The following CCDC154 variants were observed in gnomAD, a reference collection of about 807,000 sequenced individuals.
The protein encoded by CCDC154 is coiled-coil domain-containing protein 154.
Under a neutral mutation model 87.5 loss-of-function variants are expected in CCDC154, and 91 were observed. The observed-to-expected ratio is 1.04, with a 90% CI of 0.88 to 1.24. The LOEUF (loss-of-function observed/expected upper bound fraction) is 1.24. Among genes scored for constraint, CCDC154 ranks in the 50% most tolerant of loss-of-function variants. The probability of loss-of-function intolerance (pLI) is 0.00; values close to 1 mark genes in which losing one functional copy is unlikely to be tolerated. For synonymous variants in CCDC154, 418 were observed against 400.4 expected (o/e 1.04, Z -0.52); for missense variants, 903 against 879.2 (o/e 1.03, Z -0.34).
At chr16:1,443,024 C>A (rs929545698) in intron 4 of CCDC154, 49 bp from the exon 5 acceptor site, 12 of 1,544,856 alleles carry the variant, frequency 7.8e-6, no homozygotes, top group Non-Finnish European at 1.1e-5. Flanking sequence ...GCTGAGCAGC[C>A]TCGGCGGGCT....
chr16:1,439,825 A>T (rs1209431894), intron 6 of CCDC154, among the ~76,000 whole-genome samples: 1 of 152,160 alleles, frequency 6.6e-6, no homozygotes, highest in Non-Finnish European at 1.5e-5. Context: ...CATTGACAAC[A>T]TGTAAAAAAT....
chr16:1,438,180 G>A lies in CCDC154; in HGVS notation c.1026-4C>T, dbSNP rs1376288237. The A allele has an allele frequency of 2.6e-6, 4 of 1,535,168 alleles. No homozygotes were observed. Among genetic ancestry groups the A allele is most frequent in the Non-Finnish European group, 8.8e-7 (1 of 1,139,206 alleles). On this transcript the variant is annotated splice_region_variant and splice_polypyrimidine_tract_variant and intron_variant, in intron 9 of 16. Coordinates refer to ENST00000389176, the MANE Select transcript of CCDC154 (RefSeq NM_001143980.3). ...CTCCAAGCGCCCCTTGGCGTCCCTA[G>A]GGGTTGGGGACACATAGACACCCTC...
At chr16:1,442,623 G>C (rs766596441) in intron 5 of CCDC154, 94 bp from the exon 6 acceptor site, 4 of 1,357,158 alleles carry the variant, frequency 2.9e-6, no homozygotes, top group Non-Finnish European at 3.9e-6. Flanking sequence ...GGAGGTGTAC[G>C]ACCCCCGCCC....
intron 13 of CCDC154, 66 bp downstream of exon 13, chr16:1,436,379 G>T: frequency 7.5e-7 from 1 of 1,325,182 alleles, no homozygotes; most frequent in Non-Finnish European, 1.1e-6. Flanking sequence ...AGTAGCGTGG[G>T]GACCGGCCCA....
At chr16:1,437,026 G>A (rs969175711) in intron 11 of CCDC154, 23 of 643,272 alleles carry the variant, frequency 3.6e-5, no homozygotes, top group South Asian at 5.9e-5. Context: ...CCGAGGGCCC[G>A]TGGGGGCTGT....
At chr16:1,439,893 C>T (rs1274613396) in intron 6 of CCDC154, among the ~76,000 whole-genome samples, 1 of 152,054 alleles carries the variant, frequency 6.6e-6, no homozygotes, top group Non-Finnish European at 1.5e-5. Context: ...GGCGCAATGA[C>T]TCACTCCCAC....
intron 14 of CCDC154, 27 bp downstream of exon 14, chr16:1,435,942 G>T (rs1381587442): frequency 1.3e-6 from 2 of 1,532,942 alleles, no homozygotes; most frequent in Admixed American, 2.0e-5. Flanking sequence ...CTCTCTCCCA[G>T]CTGGGTGCGG....
At chr16:1,437,662 C>T (rs1285578022) in intron 11 of CCDC154, 155 bp downstream of exon 11, 6 of 921,750 alleles carry the variant, frequency 6.5e-6, no homozygotes, top group South Asian at 2.0e-5. Context: ...CTCTGGGGCT[C>T]GGGGTCTCCC....
At position 1,443,135 on chromosome 16, in the gene CCDC154, C is replaced by A. The variant is rs895618547; in HGVS notation, c.455+126G>T. 5.1e-6 allele frequency: 7 copies of A among 1,363,472 alleles called. No individual in the cohort carries two copies. In the East Asian group the frequency reaches 1.8e-4, roughly 34 times the overall value. 84.5% of individuals were successfully genotyped at this position (1,363,472 alleles called of 1,614,324 possible). A position where few individuals can be genotyped will look rare whatever the true frequency, so the allele number is the denominator to read the frequency against. On this transcript the variant is annotated intron_variant, in intron 4 of 16. Transcript: ENST00000389176. ...CAAACCCGGCCTTTTCTAGCTGGACCTGGATGTGTATCCCCCACTCCAGCG... is the reference window on the plus strand; with the variant it reads ...CAAACCCGGCCTTTTCTAGCTGGACATGGATGTGTATCCCCCACTCCAGCG...
At position 1,438,188 on chromosome 16, in the gene CCDC154, G is replaced by A; in HGVS notation, c.1026-12C>T. 2 of 1,527,064 alleles carry A rather than the reference G, an allele frequency of 1.3e-6. No homozygotes were observed. The highest frequency in any genetic ancestry group is 1.8e-6 in the Non-Finnish European group (2 of 1,135,266). The allele number at this position is 1,527,064 out of a possible 1,614,324, so 94.6% of individuals were successfully genotyped here. Reference sequence around the variant, plus strand: ...GCCCCTTGGCGTCCCTAGGGGTTGGGGACACATAGACACCCTCAGTGGAGC... The same window carrying A: ...GCCCCTTGGCGTCCCTAGGGGTTGGAGACACATAGACACCCTCAGTGGAGC... On this transcript the variant is annotated splice_polypyrimidine_tract_variant and intron_variant, in intron 9 of 16. Transcript: ENST00000389176.
rs750824809 is a variant in CCDC154 at position 1,444,286 on chromosome 16, C to A, written c.7+30G>T. 3 of 1,301,564 alleles carry A rather than the reference C, an allele frequency of 2.3e-6. No homozygotes were observed. In the South Asian group the frequency reaches 3.7e-5, roughly 16 times the overall value. 80.6% of individuals were successfully genotyped at this position (1,301,564 alleles called of 1,614,324 possible). ...ACCCTCACACCTGTGGCAAGCCCCT[C>A]CCTGGGCCCCGCTCCTCCGCTCTGG... On this transcript the variant is annotated intron_variant, in intron 1 of 16. Coordinates refer to ENST00000389176, the MANE Select transcript of CCDC154 (RefSeq NM_001143980.3).
intron 6 of CCDC154, among the ~76,000 whole-genome samples, chr16:1,440,140 T>G (rs1431956100): frequency 4.4e-5 from 4 of 90,858 alleles, no homozygotes; most frequent in African/African-American, 8.7e-5. Context: ...AGAGCGAGAC[T>G]GTCAGAAAAA....
At chr16:1,436,251 A>G (rs1324652068) in intron 13 of CCDC154, among the ~76,000 whole-genome samples, 165 bp from the exon 14 acceptor site, 4 of 151,986 alleles carry the variant, frequency 2.6e-5, no homozygotes, top group Non-Finnish European at 5.9e-5. Context: ...AACGGGGGGT[A>G]GAGGGAGGGG....
Position 1,437,927 on chromosome 16 carries a change from C to T in CCDC154, c.1180G>A (p.Ala394Thr), listed in dbSNP as rs1192691520. The T allele has an allele frequency of 1.9e-6, 3 of 1,547,020 alleles. No individual in the cohort carries two copies. Among genetic ancestry groups the T allele is most frequent in the East Asian group, 2.4e-5 (1 of 40,902 alleles). The change falls in exon 11 of 17, where the codon GCA (alanine) becomes ACA (threonine). Residue 394 changes from alanine to threonine, a missense_variant. Coordinates refer to ENST00000389176, the MANE Select transcript of CCDC154 (RefSeq NM_001143980.3). ...LLREKSRALE[A>T]SVAQLAGQLK... ...TGCCCGGCCAGCTGCGCCACGGATG[C>T]CTCCAGAGCCCGGCTCTTCTCTCGG...
In CCDC154 at chr16:1,442,547, G is replaced by A. The variant is rs2038561394; in HGVS notation, c.552-18C>T. 2 of 1,520,334 alleles carry A rather than the reference G, an allele frequency of 1.3e-6. No individual in the cohort carries two copies. Among genetic ancestry groups the A allele is most frequent in the East Asian group, 4.9e-5 (2 of 40,546 alleles). 94.2% of individuals were successfully genotyped at this position (1,520,334 alleles called of 1,614,324 possible). A position where few individuals can be genotyped will look rare whatever the true frequency, so the allele number is the denominator to read the frequency against. On this transcript the variant is annotated intron_variant, in intron 5 of 16. Transcript: ENST00000389176. Reference sequence around the variant, plus strand: ...TGGCCAGTCTAGAGAAGTCGGCTGTGGTCACACCAGCCCAGCTGGCCGGAG... The same window carrying A: ...TGGCCAGTCTAGAGAAGTCGGCTGTAGTCACACCAGCCCAGCTGGCCGGAG...
rs533329414 is a variant in CCDC154 at position 1,436,506 on chromosome 16, C to T, written c.1426G>A (p.Asp476Asn). The change falls in exon 13 of 17, where the codon GAC (aspartate) becomes AAC (asparagine). Residue 476 changes from aspartate (D) to asparagine (N), a missense_variant. Asp to Asn is a conservative substitution (Grantham distance 23). Coordinates refer to ENST00000389176, the MANE Select transcript of CCDC154 (RefSeq NM_001143980.3). ...TCGCTCTTATGAAGCAGGCACTTGTCGGAGACACTCTCTATCTGAACACAG... is the reference window on the plus strand; with the variant it reads ...TCGCTCTTATGAAGCAGGCACTTGTTGGAGACACTCTCTATCTGAACACAG... ...GLPQQIESVS[D>N]KCLLHKSDSD... is the part of the protein sequence containing the mutation. 23 of 1,549,000 alleles carry T rather than the reference C, an allele frequency of 1.5e-5. 1 individual carries two copies. The Admixed American group carries it at 1.6e-4, about 11-fold the overall frequency.
intron 14 of CCDC154, 32 bp downstream of exon 14, chr16:1,435,937 T>C (rs928399027): frequency 1.8e-5 from 27 of 1,524,750 alleles, no homozygotes; most frequent in African/African-American, 2.8e-5. Context: ...TCCCCCTCTC[T>C]CCCAGCTGGG....
At chr16:1,436,205 C>T in intron 13 of CCDC154, 119 bp from the exon 14 acceptor site, 1 of 914,498 alleles carries the variant, frequency 1.1e-6, no homozygotes, top group South Asian at 1.6e-5. Flanking sequence ...GGGGCTCAGC[C>T]CTGTCACCCC....
At position 1,438,383 on chromosome 16, in the gene CCDC154, G is replaced by A. The variant is rs2038520954; in HGVS notation, c.1026-207C>T. Reference sequence around the variant, plus strand: ...TCACTCCCCACGGCCACCAAGACAGGGGTTCCCTCCCCATGGCCACAGCTG... The same window carrying A: ...TCACTCCCCACGGCCACCAAGACAGAGGTTCCCTCCCCATGGCCACAGCTG... On this transcript the variant is annotated intron_variant, in intron 9 of 16. Transcript: ENST00000389176. The A allele has an allele frequency of 1.5e-5, 11 of 755,240 alleles. No individual in the cohort carries two copies. In the East Asian group the frequency reaches 3.0e-4, roughly 21 times the overall value. The allele number at this position is 755,240 out of a possible 1,614,324, so 46.8% of individuals were successfully genotyped here.
Sources: allele counts gnomAD v4.1 joint callset (sites outside exome capture counted in the v4.1 genomes callset), GRCh38; gene constraint gnomAD v4.1.1; transcripts MANE v1.5; gene names NCBI Gene and HGNC (gene_info 2026-07-23, HGNC 2026-07-21).